The following SPARCL1 variants were observed in gnomAD, a reference collection of about 807,000 sequenced individuals.
SPARCL1 encodes the protein SPARC like 1.
SPARCL1 carries 52 observed loss-of-function variants against 67.1 expected under a neutral mutation model. The ratio of observed to expected loss-of-function variants is 0.78; its 90% confidence interval spans 0.62 to 0.98. The LOEUF (loss-of-function observed/expected upper bound fraction) is 0.98, where lower values mean the gene tolerates loss of function less well. Ranked by LOEUF, SPARCL1 falls within the 50% of genes least tolerant of loss-of-function variation. SPARCL1 has a pLI of 0.00. For synonymous variants in SPARCL1, 226 were observed against 267.8 expected, an observed-to-expected ratio of 0.84 and a Z score of 1.52; for missense variants, 717 against 782.4, an observed-to-expected ratio of 0.92 and a Z score of 1.00.
chr4:87,525,795 T>A (rs905216537), intron 1 of SPARCL1, among the ~76,000 whole-genome samples: 1 of 152,148 alleles, frequency 6.6e-6, no homozygotes, highest in African/African-American at 2.4e-5. Flanking sequence ...AAGAGTTATT[T>A]CCCAGAGCAG....
rs180796736 is a variant in SPARCL1, at chr4:87,485,315, T to G, written c.1532-2755A>C. On this transcript the variant is annotated intron_variant, in intron 7 of 10. Transcript: ENST00000282470. ...TGTTGAAGACCTTTTCTGCATCTATTGAGATAATCATGTGGTTTTTGTCAT... is the reference window on the plus strand; with the variant it reads ...TGTTGAAGACCTTTTCTGCATCTATGGAGATAATCATGTGGTTTTTGTCAT... 7.9e-4 allele frequency among the ~76,000 whole-genome samples: 121 copies of G among 152,320 alleles called. 1 individual carries two copies. Among genetic ancestry groups the G allele is most frequent in the Non-Finnish European group, 1.5e-3 (104 of 68,024 alleles).
chr4:87,527,094 C>G (rs977352682), intron 1 of SPARCL1, among the ~76,000 whole-genome samples: 7 of 152,208 alleles, frequency 4.6e-5, no homozygotes, highest in African/African-American at 1.7e-4. Context: ...TGCCTCCCCA[C>G]CTTTGGAACA....
intron 1 of SPARCL1, among the ~76,000 whole-genome samples, chr4:87,521,491 T>C (rs1178117335): frequency 1.3e-5 from 2 of 152,200 alleles, no homozygotes; most frequent in African/African-American, 2.4e-5. Context: ...GTCTTTCTAA[T>C]TGAATTTTCC....
chr4:87,503,354 T>C (rs1379161294), intron 1 of SPARCL1, among the ~76,000 whole-genome samples: 1 of 152,212 alleles, frequency 6.6e-6, no homozygotes. Context: ...TGCAGACTCT[T>C]AGGTTTAAGC....
At chr4:87,488,914 T>C (rs184131624) in intron 7 of SPARCL1, among the ~76,000 whole-genome samples, 1 of 145,926 alleles carries the variant, frequency 6.9e-6, no homozygotes, top group Non-Finnish European at 1.5e-5. Context: ...AACTCAAGCC[T>C]CAGTAATGGT....
At chr4:87,520,553 C>T (rs1192903753) in intron 1 of SPARCL1, among the ~76,000 whole-genome samples, 1 of 152,156 alleles carries the variant, frequency 6.6e-6, no homozygotes, top group Non-Finnish European at 1.5e-5. Flanking sequence ...AAGGTCATTG[C>T]AACCTTCCTG....
At chr4:87,524,387 C>T (rs1292285469) in intron 1 of SPARCL1, among the ~76,000 whole-genome samples, 1 of 152,214 alleles carries the variant, frequency 6.6e-6, no homozygotes, top group Non-Finnish European at 1.5e-5. Context: ...AATAGTCCCA[C>T]AGACAGATCT....
At chr4:87,493,485 C>T in intron 4 of SPARCL1, 97 bp downstream of exon 4, 1 of 1,038,450 alleles carries the variant, frequency 9.6e-7, no homozygotes, top group Non-Finnish European at 1.4e-6. Context: ...TACTAGTAGA[C>T]ATCCATACAG....
At position 87,478,326 on chromosome 4, in the gene SPARCL1, G is replaced by A. The variant is rs1723662882; in HGVS notation, c.1966+1104C>T. 3.3e-5 allele frequency among the ~76,000 whole-genome samples: 5 copies of A among 152,032 alleles called. No individual in the cohort carries two copies. In the South Asian group the frequency reaches 1.0e-3, roughly 32 times the overall value. On this transcript the variant is annotated intron_variant, in intron 10 of 10. Coordinates refer to ENST00000282470, the MANE Select transcript of SPARCL1 (RefSeq NM_004684.6). Reference sequence around the variant, plus strand: ...TTAAAATATATATACCTTGTGGAATGGTTAAATTGATCTGATTAACGAATG... The same window carrying A: ...TTAAAATATATATACCTTGTGGAATAGTTAAATTGATCTGATTAACGAATG...
chr4:87,513,374 C>G (rs1725454138), intron 1 of SPARCL1, among the ~76,000 whole-genome samples: 1 of 152,134 alleles, frequency 6.6e-6, no homozygotes, highest in Admixed American at 6.5e-5. Context: ...CAATATTCTC[C>G]CCAAACAGAC....
At chr4:87,484,485 G>A (rs772624142) in intron 7 of SPARCL1, among the ~76,000 whole-genome samples, 57 of 152,250 alleles carry the variant, frequency 3.7e-4, no homozygotes, top group Non-Finnish European at 5.6e-4. Context: ...AGTTACTGTA[G>A]CCTTGTAGTA....
rs115997440 is a variant in SPARCL1, at chr4:87,523,514, C to A, written c.-12+5531G>T. ...AGTAATGAAAGTGTGGAGAACATGA[C>A]CACGAGTGAGGACTAATGCCTGGGG... On this transcript the variant is annotated intron_variant, in intron 1 of 10. Coordinates refer to ENST00000282470, the MANE Select transcript of SPARCL1 (RefSeq NM_004684.6). Among the ~76,000 whole-genome samples the A allele has an allele frequency of 1.1e-3, 160 of 152,254 alleles. 1 individual carries two copies. The highest frequency in any genetic ancestry group is 1.8e-3 in the Admixed American group (27 of 15,300).
chr4:87,522,970 C>A (rs376280666), intron 1 of SPARCL1, among the ~76,000 whole-genome samples: 156 of 152,240 alleles, frequency 1.0e-3, no homozygotes, highest in Non-Finnish European at 1.9e-3. Flanking sequence ...AATTAGAAAT[C>A]ATCTCAAGAG....
chr4:87,479,376 AG>A (rs1244139102), intron 10 of SPARCL1, 53 bp downstream of exon 10: 1 of 1,579,516 alleles, frequency 6.3e-7, no homozygotes, highest in African/African-American at 1.3e-5. Context: ...TGCAGGGCTT[AG>A]GGCTTGTCTG....
At position 87,493,761 on chromosome 4, in the gene SPARCL1, C is replaced by G. The variant is rs763140726; in HGVS notation, c.1039G>C (p.Asp347His). 5.6e-6 allele frequency: 9 copies of G among 1,614,044 alleles called. No homozygotes were observed. In the South Asian group the frequency reaches 9.9e-5, roughly 18 times the overall value. Residue 347 changes from aspartate to histidine, a missense_variant, in exon 4 of 11, where the codon GAT becomes CAT. Asp to His is a moderately conservative substitution (Grantham distance 81, BLOSUM62 -1). Transcript: ENST00000282470. ...TGCCTGGGGCCATCAGTGCCGCCAT[C>G]ATCGCCATCATCATCGCCATCATCA... ...VDDDGDDDGD[D>H]GGTDGPRHSA...
At chr4:87,504,135 T>TTG (rs70957258) in intron 1 of SPARCL1, among the ~76,000 whole-genome samples, 3,031 of 30,876 alleles carry the variant, frequency 0.098, 286 homozygotes, top group East Asian at 0.16. Context: ...TGATTTGGTA[T>TTG]TGTGTGTGTG....
chr4:87,504,183 G>GTGTGTGTGTGT (rs1553970309), intron 1 of SPARCL1, among the ~76,000 whole-genome samples: 7 of 94,570 alleles, frequency 7.4e-5, no homozygotes, highest in African/African-American at 1.0e-4. Flanking sequence ...GTGTGTGTGT[G>GTGTGTGTGTGT]GTGGGGTGGG....
intron 7 of SPARCL1, among the ~76,000 whole-genome samples, chr4:87,489,860 A>G (rs1724240285): frequency 6.6e-6 from 1 of 152,228 alleles, no homozygotes; most frequent in African/African-American, 2.4e-5. Flanking sequence ...GGGAAGGAAG[A>G]CAGCCTTAAA....
intron 10 of SPARCL1, among the ~76,000 whole-genome samples, chr4:87,475,916 C>T (rs1723565399): frequency 6.6e-6 from 1 of 152,214 alleles, no homozygotes; most frequent in African/African-American, 2.4e-5. Flanking sequence ...TAAAAAGACA[C>T]ATGCACTCAT....
Sources: gnomAD v4.1 joint callset for allele counts (sites outside exome capture counted in the v4.1 genomes callset) on GRCh38, gnomAD v4.1.1 for gene constraint, MANE v1.5 for transcripts, NCBI Gene and HGNC (gene_info 2026-07-23, HGNC 2026-07-21) for gene names.